The following ABR variants were observed in gnomAD, a reference collection of about 807,000 sequenced individuals.
ABR encodes the protein active breakpoint cluster region-related protein.
Under a neutral mutation model 107.2 loss-of-function variants are expected in ABR, and 35 were observed. The ratio of observed to expected loss-of-function variants is 0.33; its 90% CI spans 0.25 to 0.43. The LOEUF is 0.43. Among genes scored for constraint, ABR ranks in the 20% least tolerant of loss-of-function variants. ABR has a pLI of 1.00. For missense variants in ABR, 815 were observed against 1,115.2 expected (o/e 0.73, Z 3.83); for synonymous variants, 498 against 462.0 (o/e 1.08, Z -1.00).
At chr17:1,219,929 A>C (rs2043085836) in intron 1 of ABR, among the ~76,000 whole-genome samples, 1 of 151,794 alleles carries the variant, frequency 6.6e-6, no homozygotes, top group South Asian at 2.1e-4. Flanking sequence ...CACTTGACCT[A>C]GTGCTTTGCA....
intron 1 of ABR, among the ~76,000 whole-genome samples, chr17:1,129,014 C>T (rs1808935): frequency 0.4 from 59,339 of 149,570 alleles, 13,719 homozygotes; most frequent in East Asian, 0.55. Flanking sequence ...TGCAGTCAAA[C>T]CTAAGGTAAC....
In ABR at chr17:1,179,619, G is replaced by A. The variant is rs769878766; in HGVS notation, c.61+48C>T. The A allele has an allele frequency of 5.7e-5, 84 of 1,462,660 alleles. No homozygotes were observed. Among genetic ancestry groups the A allele is most frequent in the Non-Finnish European group, 7.4e-5 (82 of 1,102,290 alleles). 90.6% of individuals were successfully genotyped at this position (1,462,660 alleles called of 1,614,324 possible). The stretch of plus-strand genomic sequence containing the variant: ...TCCTGGGGTCCCGATCTCCATCCTG[G>A]GGTCCCGATCCCGATCCTGGGGTCC... On this transcript the variant is annotated intron_variant, in intron 1 of 22. Transcript: ENST00000302538. This position sits in a 1 kb window ranked among gnomAD's most constrained non-coding sequence, Gnocchi z 4.9.
chr17:1,122,665 C>G (rs1317569467), intron 2 of ABR, among the ~76,000 whole-genome samples: 2 of 152,210 alleles, frequency 1.3e-5, no homozygotes, highest in Non-Finnish European at 2.9e-5. Flanking sequence ...ATTGGCTGTC[C>G]TGGGTCTCCA....
chr17:1,129,937 ACT>A (rs2039754249), intron 1 of ABR, among the ~76,000 whole-genome samples: 2 of 152,144 alleles, frequency 1.3e-5, no homozygotes, highest in South Asian at 4.1e-4. Context: ...ACAGAGTGAG[ACT>A]CTGTCTCGAA....
chr17:1,173,040 C>G (rs1305402097), intron 1 of ABR, among the ~76,000 whole-genome samples: 3 of 119,600 alleles, frequency 2.5e-5, no homozygotes, highest in African/African-American at 8.7e-5. Context: ...CTCAGCCCAC[C>G]CAACACATCA....
chr17:1,153,707 G>A (rs1555606738), intron 1 of ABR: 27 of 91,772 alleles, frequency 2.9e-4, no homozygotes, highest in African/African-American at 8.4e-4. Context: ...AGGGCTGGGG[G>A]TCCAGGCACA....
rs1409316327 is a variant in ABR at position 1,078,886 on chromosome 17, C to T, written c.700+444G>A. 9.8e-6 allele frequency: 15 copies of T among 1,535,228 alleles called. No individual in the cohort carries two copies. Among genetic ancestry groups the T allele is most frequent in the Admixed American group, 5.9e-5 (3 of 50,972 alleles). On this transcript the variant is annotated intron_variant, in intron 6 of 22. Transcript: ENST00000302538. The surrounding 1 kb of genome is among the most constrained non-coding windows in gnomAD (Gnocchi z 7.5). Reference sequence around the variant, plus strand: ...GCAGCCTCTGTCCCCGCGGCGGGAGCGTGCAGCCATCGCTCCAGGCTCCCC... The same window carrying T: ...GCAGCCTCTGTCCCCGCGGCGGGAGTGTGCAGCCATCGCTCCAGGCTCCCC...
chr17:1,155,923 C>A (rs1354752601), intron 1 of ABR: 1 of 143,886 alleles, frequency 6.9e-6, no homozygotes, highest in African/African-American at 2.6e-5. Flanking sequence ...CCATTGCACT[C>A]CAGCCTGGGC....
chr17:1,196,511 G>A lies in ABR; in HGVS notation c.838+32282C>T. ...CTCAGAGGAACATAGGACAAAACTG[G>A]GTATTAACTCTACATCCTGCCTCAC... is the stretch of plus-strand genomic sequence containing the variant. On this transcript the variant is annotated intron_variant, in intron 1 of 22. Coordinates refer to the ABR transcript ENST00000574139. Among the ~76,000 whole-genome samples the A allele has an allele frequency of 1.3e-5, 2 of 151,958 alleles. 1 individual carries two copies. The highest frequency in any genetic ancestry group is 3.9e-4 in the East Asian group (2 of 5,180).
intron 4 of ABR, among the ~76,000 whole-genome samples, chr17:1,086,859 C>T (rs1010411157): frequency 6.6e-6 from 1 of 152,012 alleles, no homozygotes; most frequent in Non-Finnish European, 1.5e-5. Flanking sequence ...CTATAGCCCT[C>T]GCTACTTGGG....
intron 1 of ABR, among the ~76,000 whole-genome samples, chr17:1,156,772 C>T: frequency 6.6e-6 from 1 of 152,176 alleles, no homozygotes; most frequent in Non-Finnish European, 1.5e-5. Context: ...CTACTATCCC[C>T]ATTTCATAGA....
rs1317638675 is a variant in ABR at position 1,075,751 on chromosome 17, G to A, written c.701-2074C>T. 2.6e-5 allele frequency among the ~76,000 whole-genome samples: 4 copies of A among 152,154 alleles called. No homozygotes were observed. The East Asian group carries it at 7.7e-4, about 29-fold the overall frequency. On this transcript the variant is annotated intron_variant, in intron 6 of 22. Coordinates refer to ENST00000302538, the MANE Select transcript of ABR (RefSeq NM_021962.5). Reference sequence around the variant, plus strand: ...TTATTTTAATTTTTTTAAAAATATAGAGACGAGGGGCCGGGCAGGGTGGCT... The same window carrying A: ...TTATTTTAATTTTTTTAAAAATATAAAGACGAGGGGCCGGGCAGGGTGGCT...
intron 1 of ABR, among the ~76,000 whole-genome samples, chr17:1,226,862 G>T (rs574415912): frequency 6.6e-6 from 1 of 152,234 alleles, no homozygotes; most frequent in South Asian, 2.1e-4. Context: ...ATATACATGT[G>T]CTGCTATGCA....
At chr17:1,168,363 A>G (rs767212927) in intron 1 of ABR, among the ~76,000 whole-genome samples, 3 of 152,212 alleles carry the variant, frequency 2.0e-5, no homozygotes, top group Non-Finnish European at 4.4e-5. Flanking sequence ...AGGGACTCTG[A>G]GCCAGGGATC....
chr17:1,202,835 C>A (rs891115725), intron 1 of ABR, among the ~76,000 whole-genome samples: 1 of 151,766 alleles, frequency 6.6e-6, no homozygotes, highest in African/African-American at 2.4e-5. Flanking sequence ...GCTCAGCTCT[C>A]CTCGAACCCT....
chr17:1,193,636 T>C (rs4968175), intron 1 of ABR, among the ~76,000 whole-genome samples: 139,895 of 152,186 alleles, frequency 0.92, 64,826 homozygotes, highest in Non-Finnish European at 0.98. Context: ...CGCCAGGGAG[T>C]ACTGGCAACT....
At chr17:1,143,926 C>T (rs905562516) in intron 1 of ABR, among the ~76,000 whole-genome samples, 26 of 152,066 alleles carry the variant, frequency 1.7e-4, no homozygotes, top group African/African-American at 5.6e-4. Flanking sequence ...GTGTTTTACA[C>T]GGTGAGCCCA....
chr17:1,033,262 G>T (rs1254365794), intron 16 of ABR, among the ~76,000 whole-genome samples: 1 of 152,196 alleles, frequency 6.6e-6, no homozygotes, highest in Non-Finnish European at 1.5e-5. Flanking sequence ...GTGTTTTTGA[G>T]GAATAGGTGG....
intron 10 of ABR, among the ~76,000 whole-genome samples, chr17:1,062,104 A>G (rs1247448163): frequency 6.6e-6 from 1 of 152,224 alleles, no homozygotes. Flanking sequence ...CTGAGAGGTG[A>G]GGAAAACAGA....
Sources: gnomAD v4.1 joint callset for allele counts (sites outside exome capture counted in the v4.1 genomes callset) on GRCh38, gnomAD v4.1.1 for gene constraint, Gnocchi (gnomAD v3.1) non-coding constraint, MANE v1.5 for transcripts, NCBI Gene and HGNC (gene_info 2026-07-23, HGNC 2026-07-21) for gene names.